NSD1: variants seen among roughly 807,000 people sequenced by gnomAD.
NSD1 encodes the protein histone-lysine N-methyltransferase, H3 lysine-36 specific.
NSD1 carries 26 observed loss-of-function variants against 242.7 expected under a neutral mutation model. The observed-to-expected ratio is 0.11, with a 90% CI of 0.08 to 0.15. The LOEUF (loss-of-function observed/expected upper bound fraction) is 0.15, where lower values mean the gene tolerates loss of function less well. NSD1 is among the 10% of genes least tolerant of loss of function. NSD1 has a pLI of 1.00. For synonymous variants in NSD1, 1,106 were observed against 1,178.1 expected, an observed-to-expected ratio of 0.94 and a Z score of 1.25; for missense variants, 2,495 against 3,272.8, an observed-to-expected ratio of 0.76 and a Z score of 5.80.
At chr5:177,266,936 C>T (rs1346077449) in intron 14 of NSD1, among the ~76,000 whole-genome samples, 1 of 152,226 alleles carries the variant, frequency 6.6e-6, no homozygotes, top group African/African-American at 2.4e-5. Context: ...GCTGTCTTGG[C>T]TCACTGCAAC....
At chr5:177,194,445 T>C (rs1761939908) in intron 3 of NSD1, among the ~76,000 whole-genome samples, 1 of 150,524 alleles carries the variant, frequency 6.6e-6, no homozygotes, top group Non-Finnish European at 1.5e-5. Flanking sequence ...ACATGGCTTT[T>C]TTTTTTTTTT....
At chr5:177,275,969 T>C (rs1758349104) in intron 17 of NSD1, among the ~76,000 whole-genome samples, 1 of 152,226 alleles carries the variant, frequency 6.6e-6, no homozygotes, top group African/African-American at 2.4e-5. Flanking sequence ...TGACCCAGGC[T>C]AGAGTGCATT....
Position 177,294,644 on chromosome 5 carries a change from T to A in NSD1, c.7276T>A (p.Ser2426Thr). ...ACTCCCACCTCCTGAGAAAGTACTA[T>A]CAGCTGTGGTCCAGACCCTTGTAGC... ...QRLPPPEKVL[S>T]AVVQTLVAKE... Residue 2426 changes from serine (S) to threonine (T), a missense_variant, in exon 23 of 23, where the codon TCA (serine) becomes ACA (threonine). Physicochemically the swap from Ser to Thr is moderately conservative, Grantham distance 58. This residue lies in a region of NSD1 where 475 missense variants were observed against 563.7 expected (regional missense o/e 0.84). Coordinates refer to ENST00000439151, the MANE Select transcript of NSD1 (RefSeq NM_022455.5). 1 of 1,614,166 alleles carries A rather than the reference T, an allele frequency of 6.2e-7. No individual in the cohort carries two copies. Among genetic ancestry groups the A allele is most frequent in the Non-Finnish European group, 8.5e-7 (1 of 1,180,034 alleles).
At chr5:177,158,682 C>T (rs981034612) in intron 2 of NSD1, among the ~76,000 whole-genome samples, 1 of 151,586 alleles carries the variant, frequency 6.6e-6, no homozygotes, top group East Asian at 1.9e-4. Context: ...TTATTGCTGT[C>T]TTTTTAATTT....
At chr5:177,179,206 G>GT (rs1402916846) in intron 2 of NSD1, among the ~76,000 whole-genome samples, 32 of 151,842 alleles carry the variant, frequency 2.1e-4, no homozygotes, top group South Asian at 6.3e-4. Context: ...GGATTTAAGT[G>GT]TTTTTTTTGT....
chr5:177,245,292 G>A (rs1043783206), intron 9 of NSD1, among the ~76,000 whole-genome samples: 1 of 152,068 alleles, frequency 6.6e-6, no homozygotes, highest in Admixed American at 6.6e-5. Flanking sequence ...TTTATATTTC[G>A]TTTTTAAAAT....
chr5:177,211,467 G>C lies in NSD1; in HGVS notation c.3068G>C (p.Arg1023Pro). 6.2e-7 allele frequency: 1 copy of C among 1,614,114 alleles called. No individual in the cohort carries two copies. Among genetic ancestry groups the C allele is most frequent in the South Asian group, 1.1e-5 (1 of 91,076 alleles). The stretch of plus-strand genomic sequence containing the variant: ...TGTGTTACTAGGCGCAACTGTGGAC[G>C]ATCAAAGCCTTCATCCAAATTGCGA... Reference protein sequence around the residue: ...SDCVTRRNCGRSKPSSKLRDA... With the variant: ...SDCVTRRNCGPSKPSSKLRDA... The change falls in exon 5 of 23, where the codon CGA becomes CCA. Residue 1023 changes from arginine to proline, a missense_variant. Arg to Pro is a moderately radical substitution (Grantham distance 103). Coordinates refer to ENST00000439151, the MANE Select transcript of NSD1 (RefSeq NM_022455.5).
intron 20 of NSD1, chr5:177,288,437 AACAG>A (rs958667373): frequency 3.1e-5 from 9 of 292,256 alleles, no homozygotes; most frequent in Middle Eastern, 1.2e-3. Flanking sequence ...TTCACCTGAG[AACAG>A]ACAAACAGGT....
intron 13 of NSD1, among the ~76,000 whole-genome samples, chr5:177,259,626 G>A (rs1056025668): frequency 2.0e-5 from 3 of 152,294 alleles, no homozygotes; most frequent in South Asian, 2.1e-4. Context: ...AGAGAGGTTC[G>A]TTCACTTGAA....
At chr5:177,192,546 G>A (rs1761779918) in intron 3 of NSD1, among the ~76,000 whole-genome samples, 2 of 152,158 alleles carry the variant, frequency 1.3e-5, no homozygotes, top group South Asian at 4.1e-4. Context: ...GCAGGCATGT[G>A]CCACTACGCC....
chr5:177,149,136 T>C (rs992606971), intron 2 of NSD1, among the ~76,000 whole-genome samples: 10 of 152,186 alleles, frequency 6.6e-5, no homozygotes, highest in Admixed American at 3.9e-4. Flanking sequence ...TCAGTTTCTA[T>C]GCATCCTCAC....
intron 20 of NSD1, among the ~76,000 whole-genome samples, chr5:177,287,167 G>A (rs1759401940): frequency 6.6e-6 from 1 of 152,178 alleles, no homozygotes; most frequent in African/African-American, 2.4e-5. Context: ...TATGAGCACT[G>A]ATACTTTCTG....
intron 17 of NSD1, among the ~76,000 whole-genome samples, chr5:177,275,384 A>C (rs995860788): frequency 1.4e-5 from 2 of 144,960 alleles, no homozygotes; most frequent in African/African-American, 5.1e-5. Context: ...AAAGTGTGAC[A>C]GTTTCAGTAT....
rs991742542 is a variant in NSD1, at chr5:177,182,783, G to A, written c.928-9101G>A. On this transcript the variant is annotated intron_variant, in intron 2 of 22. Transcript: ENST00000439151. Reference sequence around the variant, plus strand: ...CTACTGAGTAACTGGGATTACAGGCGCCTGCCATTACGCCTGGCTAATTTT... The same window carrying A: ...CTACTGAGTAACTGGGATTACAGGCACCTGCCATTACGCCTGGCTAATTTT... Among the ~76,000 whole-genome samples the A allele has an allele frequency of 4.6e-5, 7 of 152,042 alleles. No homozygotes were observed. The East Asian group carries it at 5.8e-4, about 13-fold the overall frequency.
chr5:177,242,139 A>AC lies in NSD1; in HGVS notation c.4303-2056_4303-2055insC, dbSNP rs1458265550. On this transcript the variant is annotated intron_variant, in intron 8 of 22. Transcript: ENST00000439151. ...ATTTTAAGTTATAAAATTGATCATAATAGAAATGAGACTATTTCCTGCATT... is the reference window on the plus strand; with the variant it reads ...ATTTTAAGTTATAAAATTGATCATAACTAGAAATGAGACTATTTCCTGCATT... 3.3e-5 allele frequency among the ~76,000 whole-genome samples: 5 copies of AC among 152,150 alleles called. 1 individual carries two copies. The highest frequency in any genetic ancestry group is 7.2e-5 in the African/African-American group (3 of 41,418).
chr5:177,186,022 ATTATATAT>A (rs1157571413), intron 2 of NSD1, among the ~76,000 whole-genome samples: 4 of 101,458 alleles, frequency 3.9e-5, no homozygotes, highest in Non-Finnish European at 5.4e-5. Flanking sequence ...TATATTATAT[ATTATATAT>A]TTTTTATATA....
intron 2 of NSD1, chr5:177,136,242 C>T (rs960096012): frequency 1.9e-6 from 1 of 521,954 alleles, no homozygotes; most frequent in African/African-American, 1.9e-5. Flanking sequence ...TTCCAAATAA[C>T]TCTTCATTGA....
At chr5:177,146,496 G>A (rs1023941314) in intron 2 of NSD1, among the ~76,000 whole-genome samples, 2 of 151,780 alleles carry the variant, frequency 1.3e-5, no homozygotes, top group Admixed American at 6.6e-5. Flanking sequence ...GAGCCACCGC[G>A]TCCAGCCAGT....
chr5:177,225,099 TC>T (rs1043950257), intron 5 of NSD1, among the ~76,000 whole-genome samples: 3 of 152,196 alleles, frequency 2.0e-5, no homozygotes, highest in African/African-American at 7.2e-5. Flanking sequence ...TCTACAGTTT[TC>T]CTATTTGTGT....
Sources: allele counts gnomAD v4.1 joint callset (sites outside exome capture counted in the v4.1 genomes callset), GRCh38; gene constraint gnomAD v4.1.1; regional missense constraint gnomAD v4.1.1; transcripts MANE v1.5; gene names NCBI Gene and HGNC (gene_info 2026-07-23, HGNC 2026-07-21).